Variants in TRAPPC13 observed in about 807,000 individuals in gnomAD.
TRAPPC13 encodes the protein REV7-interacting novel NHEJ regulator 1.
In TRAPPC13, 39 loss-of-function variants were observed where a neutral mutation model predicts 54.0. The ratio of observed to expected loss-of-function variants is 0.72; its 90% confidence interval spans 0.56 to 0.94. The LOEUF (loss-of-function observed/expected upper bound fraction) is 0.94, where lower values mean the gene tolerates loss of function less well. Among genes scored for constraint, TRAPPC13 ranks in the 40% least tolerant of loss-of-function variants. The probability of loss-of-function intolerance (pLI) is 0.00; values close to 1 mark genes in which losing one functional copy is unlikely to be tolerated. For synonymous variants in TRAPPC13, 148 were observed against 167.7 expected, an observed-to-expected ratio of 0.88 and a Z score of 0.91; for missense variants, 386 against 488.1, an observed-to-expected ratio of 0.79 and a Z score of 1.97.
rs1043876960 is a variant in TRAPPC13, at chr5:65,665,600, G to GT, written c.*996dup. 4.6e-5 allele frequency: 7 copies of GT among 151,734 alleles called. No individual in the cohort carries two copies. Among genetic ancestry groups the GT allele is most frequent in the South Asian group, 4.2e-4 (2 of 4,804 alleles). 9.4% of individuals were successfully genotyped at this position (151,734 alleles called of 1,614,324 possible). A position where few individuals can be genotyped will look rare whatever the true frequency, so the allele number is the denominator to read the frequency against. On this transcript the variant is annotated 3_prime_UTR_variant, in exon 13 of 13. Coordinates refer to ENST00000399438, the MANE Select transcript of TRAPPC13 (RefSeq NM_024941.4). ...CTAATTATAAGCCAAAAACCCCTGG[G>GT]TTTTTTTCTCATTGATTAAGCCACT... is the stretch of plus-strand genomic sequence containing the variant.
At chr5:65,647,025 C>CT (rs369270319) in intron 4 of TRAPPC13, 30 bp from the exon 5 acceptor site, 336,868 of 1,369,638 alleles carry the variant, frequency 0.25, 4,924 homozygotes, top group South Asian at 0.29. Context: ...CTCATTTGGA[C>CT]TTTTTTTTTT....
chr5:65,636,961 A>G (rs988455803), intron 3 of TRAPPC13, among the ~76,000 whole-genome samples: 3 of 152,228 alleles, frequency 2.0e-5, no homozygotes, highest in African/African-American at 7.2e-5. Flanking sequence ...TTTTTATTCA[A>G]GTAACCTAGG....
chr5:65,628,023 C>T (rs374293347), intron 1 of TRAPPC13, among the ~76,000 whole-genome samples: 137 of 152,226 alleles, frequency 9.0e-4, no homozygotes, highest in African/African-American at 3.1e-3. Context: ...AGAAGGGATT[C>T]AACTTATTTT....
chr5:65,657,398 T>C (rs1051725195), intron 8 of TRAPPC13, among the ~76,000 whole-genome samples: 5 of 152,052 alleles, frequency 3.3e-5, no homozygotes, highest in Non-Finnish European at 7.4e-5. Flanking sequence ...AAAAAGCTCT[T>C]AAGTGGCAAA....
intron 1 of TRAPPC13, among the ~76,000 whole-genome samples, chr5:65,631,459 A>G (rs955954081): frequency 1.3e-5 from 2 of 152,120 alleles, no homozygotes; most frequent in Non-Finnish European, 2.9e-5. Context: ...TTGGTGTACA[A>G]ATAGTTTTGT....
intron 4 of TRAPPC13, among the ~76,000 whole-genome samples, 165 bp from the exon 5 acceptor site, chr5:65,646,890 A>G (rs1048766458): frequency 3.9e-5 from 6 of 151,978 alleles, no homozygotes; most frequent in African/African-American, 7.3e-5. Flanking sequence ...CCATGGTTCT[A>G]AGCATCAGAG....
At chr5:65,650,780 C>G (rs1561772735) in intron 5 of TRAPPC13, 30 bp from the exon 6 acceptor site, 12 of 1,575,668 alleles carry the variant, frequency 7.6e-6, no homozygotes, top group Non-Finnish European at 1.0e-5. Flanking sequence ...AAAAATGACT[C>G]AGAATCGTTA....
At chr5:65,641,876 T>C (rs1755980110) in intron 4 of TRAPPC13, among the ~76,000 whole-genome samples, 1 of 151,854 alleles carries the variant, frequency 6.6e-6, no homozygotes, top group African/African-American at 2.4e-5. Flanking sequence ...CTTTTTCTTT[T>C]TTTTTTTTTC....
At chr5:65,648,696 A>G (rs759703592) in intron 5 of TRAPPC13, among the ~76,000 whole-genome samples, 23 of 152,218 alleles carry the variant, frequency 1.5e-4, no homozygotes, top group Non-Finnish European at 2.8e-4. Flanking sequence ...AGTACTAGGC[A>G]GCACAAGTAT....
intron 5 of TRAPPC13, among the ~76,000 whole-genome samples, chr5:65,649,821 A>G (rs980228236): frequency 1.4e-5 from 2 of 147,912 alleles, no homozygotes; most frequent in Non-Finnish European, 3.0e-5. Flanking sequence ...ACATAACAGT[A>G]TTTCTCATTG....
intron 4 of TRAPPC13, among the ~76,000 whole-genome samples, chr5:65,644,632 AG>A (rs1470098432): frequency 1.3e-5 from 2 of 152,268 alleles, no homozygotes; most frequent in African/African-American, 4.8e-5. Flanking sequence ...CTGTAATCCC[AG>A]CACTTTGGGA....
intron 11 of TRAPPC13, chr5:65,663,087 T>C (rs1262817957): frequency 6.6e-6 from 1 of 152,088 alleles, no homozygotes; most frequent in Non-Finnish European, 1.5e-5. Flanking sequence ...TAAACAACAA[T>C]ACAGGGCAAA....
chr5:65,629,940 G>A, intron 1 of TRAPPC13: 2 of 1,536,026 alleles, frequency 1.3e-6, no homozygotes, highest in Non-Finnish European at 1.7e-6. Context: ...GGAAATCTGG[G>A]TAAACAATCA....
At position 65,664,323 on chromosome 5, in the gene TRAPPC13, T is replaced by A; in HGVS notation, c.1085T>A (p.Leu362Gln). 1 of 1,614,010 alleles carries A rather than the reference T, an allele frequency of 6.2e-7. No individual in the cohort carries two copies. Among genetic ancestry groups the A allele is most frequent in the Non-Finnish European group, 8.5e-7 (1 of 1,179,866 alleles). The change falls in exon 12 of 13, where the codon CTG (leucine) becomes CAG (glutamine). Residue 362 changes from leucine (L) to glutamine (Q), a missense_variant. Transcript: ENST00000399438. ...CGISGRQLGK[L>Q]HPSSSLCLAL... ...ATTTCAGGAAGACAGCTGGGAAAGC[T>A]GCATCCAAGTTCTTCGCTCTGTCTT...
At chr5:65,658,178 C>T (rs1581232201) in intron 8 of TRAPPC13, 190 bp from the exon 9 acceptor site, 2 of 481,552 alleles carry the variant, frequency 4.2e-6, no homozygotes, top group East Asian at 7.3e-5. Context: ...TAACACTTGA[C>T]TTTGCCCCTG....
chr5:65,647,010 C>T, intron 4 of TRAPPC13, 45 bp from the exon 5 acceptor site: 2 of 1,506,716 alleles, frequency 1.3e-6, no homozygotes, highest in Non-Finnish European at 1.8e-6. Flanking sequence ...CTGTAGGTAA[C>T]CAGTCTCATT....
At chr5:65,661,684 C>T (rs1045374603) in intron 10 of TRAPPC13, 3 of 159,970 alleles carry the variant, frequency 1.9e-5, no homozygotes, top group African/African-American at 7.2e-5. Flanking sequence ...CATCATCCCC[C>T]TCTTTCTTTA....
chr5:65,639,771 C>T (rs188290467), intron 4 of TRAPPC13, among the ~76,000 whole-genome samples: 1 of 152,288 alleles, frequency 6.6e-6, no homozygotes, highest in African/African-American at 2.4e-5. Context: ...AGTTAGAAGA[C>T]CTTTGAAGTA....
At chr5:65,652,272 A>T (rs533483805) in intron 6 of TRAPPC13, among the ~76,000 whole-genome samples, 1 of 151,912 alleles carries the variant, frequency 6.6e-6, no homozygotes, top group Admixed American at 6.6e-5. Flanking sequence ...CATGTAATGT[A>T]ATTATCACCC....
Sources: gnomAD v4.1 joint callset for allele counts (sites outside exome capture counted in the v4.1 genomes callset) on GRCh38, gnomAD v4.1.1 for gene constraint, MANE v1.5 for transcripts, NCBI Gene and HGNC (gene_info 2026-07-23, HGNC 2026-07-21) for gene names.